Variants in TUBGCP3 observed in about 807,000 individuals in gnomAD.
The protein encoded by TUBGCP3 is tubulin gamma complex component 3.
TUBGCP3 carries 50 observed loss-of-function variants against 123.1 expected under a neutral mutation model. The observed-to-expected ratio is 0.41, with a 90% CI of 0.32 to 0.51. The LOEUF (loss-of-function observed/expected upper bound fraction) is 0.51, where lower values mean the gene tolerates loss of function less well. TUBGCP3 is among the 20% of genes least tolerant of loss of function. The probability of loss-of-function intolerance (pLI) is 0.36; values close to 1 mark genes in which losing one functional copy is unlikely to be tolerated. For synonymous variants in TUBGCP3, 405 were observed against 413.9 expected (o/e 0.98, Z 0.26); for missense variants, 882 against 1,127.0 (o/e 0.78, Z 3.11).
intron 19 of TUBGCP3, among the ~76,000 whole-genome samples, chr13:112,500,956 T>A (rs1488674134): frequency 1.3e-5 from 2 of 152,240 alleles, no homozygotes; most frequent in Admixed American, 1.3e-4. Context: ...AATGAGTATT[T>A]GCTGAATGGG....
intron 17 of TUBGCP3, among the ~76,000 whole-genome samples, chr13:112,510,892 T>G (rs780887916): frequency 2.0e-5 from 3 of 152,160 alleles, no homozygotes; most frequent in Non-Finnish European, 4.4e-5. Flanking sequence ...AGACTTTTGT[T>G]AAGGATCTTT....
At chr13:112,580,827 G>C (rs1882229254) in intron 1 of TUBGCP3, among the ~76,000 whole-genome samples, 1 of 152,158 alleles carries the variant, frequency 6.6e-6, no homozygotes, top group African/African-American at 2.4e-5. Context: ...AGACTATTAA[G>C]TAATTATTTA....
At chr13:112,573,242 G>C (rs774927180) in intron 1 of TUBGCP3, among the ~76,000 whole-genome samples, 3 of 151,138 alleles carry the variant, frequency 2.0e-5, no homozygotes, top group Non-Finnish European at 4.4e-5. Context: ...ATTCAGAGAA[G>C]ACAAGCTCTT....
chr13:112,493,134 G>C (rs779260216), intron 20 of TUBGCP3, among the ~76,000 whole-genome samples: 2 of 121,326 alleles, frequency 1.6e-5, no homozygotes, highest in East Asian at 2.7e-4. Flanking sequence ...CTTTGGGAAC[G>C]GGGCCTGGTG....
intron 11 of TUBGCP3, among the ~76,000 whole-genome samples, chr13:112,536,118 T>C (rs1251396846): frequency 6.6e-6 from 1 of 152,266 alleles, no homozygotes; most frequent in Non-Finnish European, 1.5e-5. Context: ...CCCAGAGGTC[T>C]ATCATTATGC....
At chr13:112,505,980 G>C (rs1881280654) in intron 17 of TUBGCP3, among the ~76,000 whole-genome samples, 1 of 152,188 alleles carries the variant, frequency 6.6e-6, no homozygotes, top group South Asian at 2.1e-4. Context: ...GAGCCAGAGA[G>C]TTGTAAAGCA....
intron 14 of TUBGCP3, chr13:112,521,608 G>A: frequency 4.2e-6 from 4 of 947,378 alleles, no homozygotes; most frequent in Non-Finnish European, 5.0e-6. Flanking sequence ...GGGAGCACTG[G>A]CAGGGTTTAA....
At chr13:112,504,279 G>C in intron 18 of TUBGCP3, 116 bp from the exon 19 acceptor site, 1 of 1,362,686 alleles carries the variant, frequency 7.3e-7, no homozygotes, top group Non-Finnish European at 1.0e-6. Flanking sequence ...CCTGAGATCA[G>C]GAGTTAGAAA....
chr13:112,591,521 A>G (rs138140364), upstream of TUBGCP3, among the ~76,000 whole-genome samples: 2 of 152,364 alleles, frequency 1.3e-5, no homozygotes, highest in African/African-American at 2.4e-5. Flanking sequence ...ATCTTCTTGC[A>G]GTAGGCTTGG....
Position 112,565,092 on chromosome 13 carries a change from C to A in TUBGCP3, c.252+19G>T. ...TCCTCAACAATGAGTGCAATGACCT[C>A]CAGAATTCTGCACTGTACCTGTGAA... is the stretch of plus-strand genomic sequence containing the variant. On this transcript the variant is annotated intron_variant, in intron 3 of 21. Transcript: ENST00000261965. The A allele has an allele frequency of 6.2e-7, 1 of 1,609,632 alleles. No homozygotes were observed. The highest frequency in any genetic ancestry group is 8.5e-7 in the Non-Finnish European group (1 of 1,176,998).
At chr13:112,547,549 G>T in intron 10 of TUBGCP3, 71 bp downstream of exon 10, 1 of 857,624 alleles carries the variant, frequency 1.2e-6, no homozygotes. Flanking sequence ...TGGGAAAGTC[G>T]CGCGTGGGAA....
intron 11 of TUBGCP3, among the ~76,000 whole-genome samples, chr13:112,540,670 A>G (rs59554967): frequency 0.042 from 3,931 of 92,656 alleles, 203 homozygotes; most frequent in African/African-American, 0.18. Context: ...GAGCATTCAG[A>G]TGGTCTTGGG....
chr13:112,499,873 A>G (rs1163774232), intron 19 of TUBGCP3, among the ~76,000 whole-genome samples: 1 of 152,214 alleles, frequency 6.6e-6, no homozygotes, highest in African/African-American at 2.4e-5. Context: ...GCATGGAAGG[A>G]CACAATGAAA....
At position 112,564,927 on chromosome 13, in the gene TUBGCP3, A is replaced by C. The variant is rs574696405; in HGVS notation, c.252+184T>G. On this transcript the variant is annotated intron_variant, in intron 3 of 21. Transcript: ENST00000261965. ...TCATCTTTATAAGCAATTTAGCATTAAATCCAGCTAAAACTTCTAATACTG... is the reference window on the plus strand; with the variant it reads ...TCATCTTTATAAGCAATTTAGCATTCAATCCAGCTAAAACTTCTAATACTG... 2.6e-5 allele frequency among the ~76,000 whole-genome samples: 4 copies of C among 152,368 alleles called. No homozygotes were observed. The South Asian group carries it at 8.3e-4, about 32-fold the overall frequency.
chr13:112,558,867 A>T (rs1302652327), intron 4 of TUBGCP3, among the ~76,000 whole-genome samples: 1 of 152,036 alleles, frequency 6.6e-6, no homozygotes, highest in Non-Finnish European at 1.5e-5. Flanking sequence ...ATTATACCAG[A>T]CTCTGGGGCA....
intron 19 of TUBGCP3, 91 bp downstream of exon 19, chr13:112,503,941 G>T: frequency 6.9e-7 from 1 of 1,444,816 alleles, no homozygotes; most frequent in Middle Eastern, 1.8e-4. Flanking sequence ...GGCTGCATCA[G>T]GGCATTTCTA....
At chr13:112,580,134 A>C (rs1160459257) in intron 1 of TUBGCP3, among the ~76,000 whole-genome samples, 2 of 152,246 alleles carry the variant, frequency 1.3e-5, no homozygotes, top group African/African-American at 4.8e-5. Context: ...GGAGACATAC[A>C]CAGACACAGG....
chr13:112,547,887 A>G (rs1879200031), intron 9 of TUBGCP3, 135 bp from the exon 10 acceptor site: 1 of 1,131,652 alleles, frequency 8.8e-7, no homozygotes, highest in African/African-American at 1.6e-5. Flanking sequence ...AAAAAAAAAT[A>G]GTATTTTAAA....
chr13:112,501,313 C>G (rs551977475), intron 19 of TUBGCP3, among the ~76,000 whole-genome samples: 5 of 152,300 alleles, frequency 3.3e-5, no homozygotes, highest in South Asian at 4.1e-4. Context: ...TTTATGTAGT[C>G]TAATAAAGAA....
Sources: allele counts gnomAD v4.1 joint callset (sites outside exome capture counted in the v4.1 genomes callset), GRCh38; gene constraint gnomAD v4.1.1; transcripts MANE v1.5; gene names NCBI Gene and HGNC (gene_info 2026-07-23, HGNC 2026-07-21).